Variants in EML4 observed in about 807,000 individuals in gnomAD.
EML4 encodes EMAP like 4.
EML4 carries 72 observed loss-of-function variants against 129.0 expected under a neutral mutation model. That is an observed-to-expected ratio of 0.56 (90% CI 0.46 to 0.68). EML4 has a LOEUF of 0.68. EML4 is among the 30% of genes least tolerant of loss of function. EML4 has a pLI of 0.00. For synonymous variants in EML4, 532 were observed against 405.0 expected (o/e 1.31, Z -3.77); for missense variants, 1,363 against 1,190.6 (o/e 1.14, Z -2.13).
At chr2:42,186,276 C>G (rs535573604) in intron 1 of EML4, among the ~76,000 whole-genome samples, 5 of 152,008 alleles carry the variant, frequency 3.3e-5, no homozygotes, top group Admixed American at 2.0e-4. Context: ...GTATTAAGCA[C>G]AGGTTTGTTC....
At chr2:42,266,573 G>C (rs564875552) in intron 6 of EML4, among the ~76,000 whole-genome samples, 309 of 152,160 alleles carry the variant, frequency 2.0e-3, no homozygotes, top group Non-Finnish European at 3.7e-3. Context: ...CAAACTCCTG[G>C]GCTCAAGCAG....
chr2:42,314,980 C>A (rs1669159878), intron 17 of EML4, among the ~76,000 whole-genome samples: 1 of 152,158 alleles, frequency 6.6e-6, no homozygotes, highest in Non-Finnish European at 1.5e-5. Context: ...TGAAAAGATA[C>A]CTCTTTCAAA....
intron 19 of EML4, 51 bp downstream of exon 19, chr2:42,317,575 C>G: frequency 2.3e-6 from 3 of 1,303,364 alleles, no homozygotes; most frequent in East Asian, 2.3e-5. Flanking sequence ...ATTTTACTTC[C>G]GTTAAAAACA....
chr2:42,305,016 G>T (rs778405544), intron 17 of EML4, among the ~76,000 whole-genome samples: 24 of 152,172 alleles, frequency 1.6e-4, no homozygotes, highest in Admixed American at 2.6e-4. Flanking sequence ...CTATTCTGGA[G>T]GCTGAGGCAG....
At chr2:42,275,878 AC>A (rs1233227162) in intron 6 of EML4, among the ~76,000 whole-genome samples, 1 of 151,972 alleles carries the variant, frequency 6.6e-6, no homozygotes, top group Non-Finnish European at 1.5e-5. Context: ...CCTTTTCTGG[AC>A]CACCAGACTT....
intron 1 of EML4, among the ~76,000 whole-genome samples, chr2:42,177,610 G>A (rs746694855): frequency 1.1e-4 from 17 of 152,088 alleles, no homozygotes; most frequent in Non-Finnish European, 2.9e-5. Context: ...GTGACACAGC[G>A]AGACCCCGTC....
At chr2:42,307,888 C>G (rs1668699799) in intron 17 of EML4, among the ~76,000 whole-genome samples, 1 of 152,204 alleles carries the variant, frequency 6.6e-6, no homozygotes, top group Non-Finnish European at 1.5e-5. Context: ...CCCCTGGCCT[C>G]AAGTGATCAC....
intron 21 of EML4, among the ~76,000 whole-genome samples, chr2:42,327,753 A>G (rs1350854476): frequency 2.0e-5 from 3 of 152,348 alleles, no homozygotes; most frequent in South Asian, 4.1e-4. Flanking sequence ...AAAGAATTAA[A>G]AAGAAGTGTT....
intron 1 of EML4, among the ~76,000 whole-genome samples, chr2:42,209,701 C>A (rs2104013238): frequency 1.3e-5 from 2 of 152,140 alleles, no homozygotes; most frequent in East Asian, 3.9e-4. Flanking sequence ...AGGCTGAGGC[C>A]TGTGGATCAC....
At chr2:42,267,979 T>A (rs994559275) in intron 6 of EML4, among the ~76,000 whole-genome samples, 1 of 152,174 alleles carries the variant, frequency 6.6e-6, no homozygotes, top group Admixed American at 6.5e-5. Context: ...TTTAAAAAAT[T>A]TTCCAAGCTA....
chr2:42,272,077 C>CAA (rs35948547), intron 6 of EML4, among the ~76,000 whole-genome samples: 50 of 101,134 alleles, frequency 4.9e-4, no homozygotes, highest in Non-Finnish European at 8.8e-4. Flanking sequence ...CACTCCATCT[C>CAA]AAAAAAAAAA....
chr2:42,312,194 T>C (rs1668990175), intron 17 of EML4, among the ~76,000 whole-genome samples: 1 of 152,168 alleles, frequency 6.6e-6, no homozygotes, highest in African/African-American at 2.4e-5. Context: ...CTCACAAAAT[T>C]ACTAAAATTT....
At chr2:42,327,645 C>A (rs1022050941) in intron 21 of EML4, among the ~76,000 whole-genome samples, 14 of 152,186 alleles carry the variant, frequency 9.2e-5, no homozygotes, top group African/African-American at 3.4e-4. Flanking sequence ...GAAATCCGAC[C>A]TCTATGACTG....
At chr2:42,216,709 C>T (rs1400830667) in intron 1 of EML4, among the ~76,000 whole-genome samples, 2 of 152,088 alleles carry the variant, frequency 1.3e-5, no homozygotes, top group Non-Finnish European at 2.9e-5. Flanking sequence ...TTATTATAGC[C>T]AAACAATGAG....
intron 2 of EML4, among the ~76,000 whole-genome samples, chr2:42,252,632 C>G (rs1339898951): frequency 2.6e-5 from 4 of 152,186 alleles, no homozygotes; most frequent in Non-Finnish European, 1.5e-5. Context: ...CATCAAGGAG[C>G]TTTTTGTCTC....
At chr2:42,325,372 CA>C in intron 19 of EML4, 94 bp from the exon 20 acceptor site, 1 of 626,954 alleles carries the variant, frequency 1.6e-6, no homozygotes, top group Non-Finnish European at 3.0e-6. Context: ...GAAATTCCAA[CA>C]AATGTGTATT....
At position 42,264,713 on chromosome 2, in the gene EML4, G is replaced by T. The variant is rs766060311; in HGVS notation, c.649G>T (p.Asp217Tyr). 5 of 1,442,422 alleles carry T rather than the reference G, an allele frequency of 3.5e-6. No homozygotes were observed. The highest frequency in any genetic ancestry group is 1.4e-5 in the African/African-American group (1 of 70,574). 89.4% of individuals were successfully genotyped at this position (1,442,422 alleles called of 1,614,324 possible). ...KVTKTADKHK[D>Y]VIINQEGEYI... Reference sequence around the variant, plus strand: ...CTTAAATTTCTTTTCTAGGCATAAAGATGTCATCATCAACCAAGGTAAATT... The same window carrying T: ...CTTAAATTTCTTTTCTAGGCATAAATATGTCATCATCAACCAAGGTAAATT... Residue 217 changes from aspartate (D) to tyrosine (Y), a missense_variant, in exon 6 of 23, where the codon GAT becomes TAT. Asp to Tyr is a radical substitution (Grantham distance 160, BLOSUM62 -3). Transcript: ENST00000318522.
intron 11 of EML4, among the ~76,000 whole-genome samples, chr2:42,293,536 G>A (rs1052256330): frequency 1.3e-5 from 2 of 152,130 alleles, no homozygotes; most frequent in Non-Finnish European, 2.9e-5. Flanking sequence ...TACAACAACC[G>A]TTTCAAGTGT....
rs1670146469 is a variant in EML4, at chr2:42,332,321, C to A, written c.*2114C>A. 1 of 210,862 alleles carries A rather than the reference C, an allele frequency of 4.7e-6. No individual in the cohort carries two copies. Among genetic ancestry groups the A allele is most frequent in the East Asian group, 7.1e-5 (1 of 14,082 alleles). 13.1% of individuals were successfully genotyped at this position (210,862 alleles called of 1,614,324 possible). ...TACTAATACGCAGGAAGCGTTCCAG[C>A]TATTTAATGCTGGCAACTACTGTTT... On this transcript the variant is annotated 3_prime_UTR_variant, in exon 23 of 23. Coordinates refer to ENST00000318522, the MANE Select transcript of EML4 (RefSeq NM_019063.5).
Sources: allele counts gnomAD v4.1 joint callset (sites outside exome capture counted in the v4.1 genomes callset), GRCh38; gene constraint gnomAD v4.1.1; transcripts MANE v1.5; gene names NCBI Gene and HGNC (gene_info 2026-07-23, HGNC 2026-07-21).